Variants in STX11 observed in about 807,000 individuals in gnomAD.
The protein encoded by STX11 is syntaxin-11.
A neutral mutation model predicts 19.9 loss-of-function variants in STX11; 21 were observed. The ratio of observed to expected loss-of-function variants is 1.06; its 90% CI spans 0.75 to 1.52. The LOEUF is 1.52. STX11 is among the 40% of genes most tolerant of loss of function. The pLI is 0.00. For missense variants in STX11, 438 were observed against 405.9 expected, an observed-to-expected ratio of 1.08 and a Z score of -0.68; for synonymous variants, 193 against 174.4, an observed-to-expected ratio of 1.11 and a Z score of -0.84.
At chr6:144,161,372 T>C (rs1326900662) in intron 1 of STX11, among the ~76,000 whole-genome samples, 2 of 150,160 alleles carry the variant, frequency 1.3e-5, no homozygotes, top group African/African-American at 5.0e-5. Context: ...TTGGAAATTT[T>C]CTTTTTTTCT....
chr6:144,140,251 TA>T, the STX11 span, among the ~76,000 whole-genome samples: 38 of 42,876 alleles, frequency 8.9e-4, no homozygotes, highest in African/African-American at 3.3e-3. Context: ...TATATATATA[TA>T]TATTTATTTA....
chr6:144,150,456 C>G (rs941835203), upstream of STX11: 3 of 972,486 alleles, frequency 3.1e-6, no homozygotes, highest in African/African-American at 3.5e-5. Context: ...CATCCCGGGG[C>G]GGGGCCTGGT....
chr6:144,161,528 C>T (rs1801341356), intron 1 of STX11, among the ~76,000 whole-genome samples: 1 of 152,128 alleles, frequency 6.6e-6, no homozygotes, highest in Admixed American at 6.6e-5. Context: ...CCACCACGTC[C>T]AGCTAATTTT....
intron 1 of STX11, among the ~76,000 whole-genome samples, chr6:144,164,894 A>G (rs578080190): frequency 1.3e-5 from 2 of 151,728 alleles, no homozygotes; most frequent in Admixed American, 1.3e-4. Flanking sequence ...TTGCGGTTTC[A>G]CCATGTTGGC....
the STX11 span, among the ~76,000 whole-genome samples, chr6:144,142,026 G>A: frequency 6.6e-6 from 1 of 151,570 alleles, no homozygotes; most frequent in Non-Finnish European, 1.5e-5. Context: ...TAATGGTGAA[G>A]AACCTGGATT....
upstream of STX11, among the ~76,000 whole-genome samples, chr6:144,146,587 C>T (rs12190162): frequency 0.3 from 46,177 of 152,034 alleles, 7,534 homozygotes; most frequent in East Asian, 0.38. The surrounding 1 kb of genome is among the most constrained non-coding windows in gnomAD (Gnocchi z 4.4). Context: ...GCTGGGATTA[C>T]AGGCCTGAGC....
In STX11 at chr6:144,180,202, G is replaced by A. The variant is rs759517313; in HGVS notation, c.-5-6421G>A. On this transcript the variant is annotated intron_variant, in intron 1 of 1. Transcript: ENST00000367568. The surrounding 1 kb of genome is among the most constrained non-coding windows in gnomAD (Gnocchi z 5.3). ...CTGGTTTTGGCAAAATTTGCTTAAT[G>A]CATATATTAGTCTTTTGGGGCTGCC... Among the ~76,000 whole-genome samples the A allele has an allele frequency of 2.0e-5, 3 of 152,180 alleles. No individual in the cohort carries two copies. The highest frequency in any genetic ancestry group is 7.2e-5 in the African/African-American group (3 of 41,434).
In STX11 at chr6:144,154,559, G is replaced by A. The variant is rs897921296; in HGVS notation, c.-6+3856G>A. 2.0e-5 allele frequency among the ~76,000 whole-genome samples: 3 copies of A among 152,176 alleles called. No individual in the cohort carries two copies. The highest frequency in any genetic ancestry group is 4.4e-5 in the Non-Finnish European group (3 of 68,044). ...TTCATATTTCTCAGATGCACTCAAT[G>A]TTTTGTTGCTAAGATTTTCCATAGG... On this transcript the variant is annotated intron_variant, in intron 1 of 1. Transcript: ENST00000367568. This position sits in a 1 kb window ranked among gnomAD's most constrained non-coding sequence, Gnocchi z 4.7.
In STX11 at chr6:144,182,657, T is replaced by G. The variant is rs1036708813; in HGVS notation, c.-5-3966T>G. ...ACTCTTCTTATTGTGATGAGATGAT[T>G]TCCCCCAATAGCTTTTTAATGGCTG... On this transcript the variant is annotated intron_variant, in intron 1 of 1. Coordinates refer to ENST00000367568, the MANE Select transcript of STX11 (RefSeq NM_003764.4). The surrounding 1 kb of genome is among the most constrained non-coding windows in gnomAD (Gnocchi z 4.8). 2.0e-5 allele frequency among the ~76,000 whole-genome samples: 3 copies of G among 151,626 alleles called. No individual in the cohort carries two copies. Among genetic ancestry groups the G allele is most frequent in the Non-Finnish European group, 4.4e-5 (3 of 68,024 alleles).
At position 144,186,864 on chromosome 6, in the gene STX11, C is replaced by T. The variant is rs201775530; in HGVS notation, c.237C>T (p.Leu79=). 41 of 1,612,966 alleles carry T rather than the reference C, an allele frequency of 2.5e-5. No individual in the cohort carries two copies. The East Asian group carries it at 8.7e-4, about 34-fold the overall frequency. ...NARFLTSMRR[L]SSIKRDTNSI... ...GCTTCCTCACGTCCATGCGGCGCCT[C>T]AGCAGCATCAAGCGCGACACCAACT... The change falls in exon 2 of 2, where the codon CTC becomes CTT. Residue 79 remains leucine (L), a synonymous_variant. Coordinates refer to ENST00000367568, the MANE Select transcript of STX11 (RefSeq NM_003764.4).
intron 1 of STX11, among the ~76,000 whole-genome samples, chr6:144,163,788 A>C (rs921364480): frequency 1.3e-5 from 2 of 152,040 alleles, no homozygotes; most frequent in African/African-American, 4.8e-5. Flanking sequence ...CCTGGCCCCA[A>C]AATTTAAAAA....
upstream of STX11, chr6:144,150,379 G>T (rs1033295161): frequency 2.4e-5 from 14 of 576,262 alleles, no homozygotes; most frequent in Admixed American, 4.4e-4. Context: ...GGTCCCGAGC[G>T]CATGGACTCT....
chr6:144,176,487 G>T lies in STX11; in HGVS notation c.-5-10136G>T, dbSNP rs111647916. Reference sequence around the variant, plus strand: ...TGCACACAGTCTGTCACTGAGATTCGTTTTTCCTTCCTTGCTTTACGGAGT... The same window carrying T: ...TGCACACAGTCTGTCACTGAGATTCTTTTTTCCTTCCTTGCTTTACGGAGT... On this transcript the variant is annotated intron_variant, in intron 1 of 1. Coordinates refer to ENST00000367568, the MANE Select transcript of STX11 (RefSeq NM_003764.4). This position sits in a 1 kb window ranked among gnomAD's most constrained non-coding sequence, Gnocchi z 4.1. 0.01 allele frequency among the ~76,000 whole-genome samples: 1,563 copies of T among 152,266 alleles called. 27 individuals carry two copies. Among genetic ancestry groups the T allele is most frequent in the African/African-American group, 0.035 (1,464 of 41,534 alleles).
upstream of STX11, chr6:144,150,481 G>A: frequency 2.0e-6 from 2 of 984,788 alleles, no homozygotes; most frequent in Middle Eastern, 5.2e-4. Flanking sequence ...AGCTGTGGTC[G>A]CTTCCTAAGC....
At chr6:144,166,479 A>G (rs1801479660) in intron 1 of STX11, among the ~76,000 whole-genome samples, 1 of 149,440 alleles carries the variant, frequency 6.7e-6, no homozygotes, top group Non-Finnish European at 1.5e-5. Context: ...TTCTTTTGCA[A>G]GTTTCCCTCA....
chr6:144,147,112 T>C (rs1800888788), upstream of STX11, among the ~76,000 whole-genome samples: 1 of 152,052 alleles, frequency 6.6e-6, no homozygotes, highest in African/African-American at 2.4e-5. This position sits in a 1 kb window ranked among gnomAD's most constrained non-coding sequence, Gnocchi z 4.2. Context: ...CATCCCTCTT[T>C]CCATTCCTTT....
At chr6:144,140,755 G>C in the STX11 span, 1 of 985,268 alleles carries the variant, frequency 1.0e-6, no homozygotes, top group Non-Finnish European at 1.2e-6. Flanking sequence ...GCCTCAAGGG[G>C]ATGAAATGGA....
At chr6:144,181,374 C>T (rs1801907309) in intron 1 of STX11, among the ~76,000 whole-genome samples, 1 of 151,954 alleles carries the variant, frequency 6.6e-6, no homozygotes, top group South Asian at 2.1e-4. Context: ...GCAGGTGGAT[C>T]ACCTGAGATC....
the STX11 span, among the ~76,000 whole-genome samples, chr6:144,144,914 G>A: frequency 1.3e-5 from 2 of 152,188 alleles, no homozygotes; most frequent in Admixed American, 1.3e-4. Context: ...GCAAGGAGGT[G>A]GAGACACTGG....
Sources: gnomAD v4.1 joint callset for allele counts (sites outside exome capture counted in the v4.1 genomes callset) on GRCh38, gnomAD v4.1.1 for gene constraint, Gnocchi (gnomAD v3.1) non-coding constraint, MANE v1.5 for transcripts, NCBI Gene and HGNC (gene_info 2026-07-23, HGNC 2026-07-21) for gene names.